Variants in ANOS1 observed in about 807,000 individuals in gnomAD.
ANOS1 encodes the protein anosmin-1.
In ANOS1, 6 loss-of-function variants were observed where a neutral mutation model predicts 59.0. That is an observed-to-expected ratio of 0.10 (90% CI 0.06 to 0.20). The LOEUF (loss-of-function observed/expected upper bound fraction) is 0.20, where lower values mean the gene tolerates loss of function less well. Among genes scored for constraint, ANOS1 ranks in the 10% least tolerant of loss-of-function variants. The pLI is 1.00. For synonymous variants in ANOS1, 217 were observed against 223.4 expected, an observed-to-expected ratio of 0.97 and a Z score of 0.25; for missense variants, 433 against 542.3, an observed-to-expected ratio of 0.80 and a Z score of 2.00.
At chrX:8,556,430 C>T (rs1289129148) in intron 8 of ANOS1, among the ~76,000 whole-genome samples, 1 of 111,951 alleles carries the variant, frequency 8.9e-6, no homozygotes. Flanking sequence ...ATTTAGAAAA[C>T]CCTATCATCT....
chrX:8,618,473 GCAGCTGTTTTAC>G (rs1311215233), intron 3 of ANOS1, among the ~76,000 whole-genome samples: 10 of 111,965 alleles, frequency 8.9e-5, no homozygotes, highest in African/African-American at 2.6e-4. Context: ...GTCAAAGATG[GCAGCTGTTTTAC>G]CAGCTGTTTT....
chrX:8,637,513 A>C (rs1171099230), intron 2 of ANOS1, among the ~76,000 whole-genome samples: 1 of 112,295 alleles, frequency 8.9e-6, no homozygotes, highest in Non-Finnish European at 1.9e-5. Context: ...AGTGGTGTCC[A>C]ACATAATGCA....
Position 8,668,430 on chromosome X carries a change from T to TATATATATAC in ANOS1, c.255+31267_255+31268insGTATATATAT, listed in dbSNP as rs1394731479. ...ATATATATATATATATATATATATA[T>TATATATATAC]ACACACACATACATATATATATATG... On this transcript the variant is annotated intron_variant, in intron 2 of 13. Transcript: ENST00000262648. Among the ~76,000 whole-genome samples, 441 of 80,018 alleles carry TATATATATAC rather than the reference T, an allele frequency of 5.5e-3. 2 individuals are homozygous for TATATATATAC. Among genetic ancestry groups the TATATATATAC allele is most frequent in the African/African-American group, 0.015 (306 of 20,056 alleles). 69.5% of individuals were successfully genotyped at this position (80,018 alleles called of 115,157 possible). A position where few individuals can be genotyped will look rare whatever the true frequency, so the allele number is the denominator to read the frequency against.
chrX:8,540,540 G>A (rs1029934878), intron 9 of ANOS1, among the ~76,000 whole-genome samples: 3 of 111,017 alleles, frequency 2.7e-5, no homozygotes, highest in East Asian at 5.7e-4. Context: ...ATAAAATAGC[G>A]GCAAGCAACT....
Position 8,696,094 on chromosome X carries a change from C to A in ANOS1, c.255+3604G>T, listed in dbSNP as rs186388563. Among the ~76,000 whole-genome samples the A allele has an allele frequency of 4.8e-3, 537 of 111,910 alleles. 4 individuals are homozygous for A. Among genetic ancestry groups the A allele is most frequent in the Admixed American group, 0.013 (135 of 10,540 alleles). ...TGTGCAAGGCTGGTATGGGGCCCCA[C>A]AGTATCAAAGAGCCAGGTTCCTTCT... is the stretch of plus-strand genomic sequence containing the variant. On this transcript the variant is annotated intron_variant, in intron 2 of 13. Transcript: ENST00000262648.
intron 3 of ANOS1, among the ~76,000 whole-genome samples, chrX:8,607,787 ATGG>A (rs921822927): frequency 9.4e-6 from 1 of 106,515 alleles, no homozygotes; most frequent in African/African-American, 3.5e-5. Flanking sequence ...TAGGAATTTA[ATGG>A]TGAACAGGTG....
At chrX:8,616,020 C>T (rs991564465) in intron 3 of ANOS1, among the ~76,000 whole-genome samples, 1 of 101,672 alleles carries the variant, frequency 9.8e-6, no homozygotes, top group African/African-American at 3.6e-5. Context: ...CCTCTTCCCA[C>T]AATCTCATTT....
At chrX:8,564,261 G>A (rs1307281137) in intron 8 of ANOS1, among the ~76,000 whole-genome samples, 8 of 112,023 alleles carry the variant, frequency 7.1e-5, no homozygotes, top group Non-Finnish European at 1.5e-4. Flanking sequence ...AAATTACAAT[G>A]GAAAACATCC....
rs1265781389 is a variant in ANOS1, at chrX:8,554,042, T to C, written c.1264A>G (p.Arg422Gly). 8.3e-7 allele frequency: 1 copy of C among 1,207,463 alleles called. No individual in the cohort carries two copies. Among genetic ancestry groups the C allele is most frequent in the South Asian group, 1.8e-5 (1 of 56,881 alleles). ...GGIQTQLPFQRRRPTRPLEVG... is the reference protein window; with the variant it reads ...GGIQTQLPFQGRRPTRPLEVG... ...TCCAGCGGGCGAGTGGGTCGTCGTC[T>C]TTGAAAAGGGAGTTGTGTTTGAATT... Residue 422 changes from arginine to glycine, a missense_variant, in exon 9 of 14, where the codon AGA becomes GGA. Physicochemically the swap from Arg to Gly is moderately radical, Grantham distance 125 (BLOSUM62 -2). Coordinates refer to ENST00000262648, the MANE Select transcript of ANOS1 (RefSeq NM_000216.4).
intron 1 of ANOS1, among the ~76,000 whole-genome samples, chrX:8,729,391 C>CTTTTTT (rs1162458402): frequency 1.4e-5 from 1 of 72,626 alleles, no homozygotes; most frequent in Non-Finnish European, 2.5e-5. Context: ...ACCTTCCTTC[C>CTTTTTT]TTTTTTTTTT....
At chrX:8,601,044 T>C (rs1158769934) in intron 3 of ANOS1, among the ~76,000 whole-genome samples, 1 of 109,208 alleles carries the variant, frequency 9.2e-6, no homozygotes, top group Non-Finnish European at 1.9e-5. Flanking sequence ...ATACAAAAAA[T>C]TAGCCGGGCA....
chrX:8,566,208 T>C, intron 8 of ANOS1: 12 of 750,111 alleles, frequency 1.6e-5, no homozygotes, highest in Non-Finnish European at 1.7e-5. Context: ...TTCCTGTAGT[T>C]CTGTCTGTAT....
chrX:8,604,255 G>C (rs761405920), intron 3 of ANOS1, among the ~76,000 whole-genome samples: 1 of 111,149 alleles, frequency 9.0e-6, no homozygotes, highest in African/African-American at 3.3e-5. Flanking sequence ...GAATTTCCCA[G>C]GGAGCTTCTA....
chrX:8,586,979 T>A (rs1216780583), intron 5 of ANOS1, among the ~76,000 whole-genome samples: 1 of 109,300 alleles, frequency 9.1e-6, no homozygotes, highest in Non-Finnish European at 1.9e-5. Flanking sequence ...AGGAATCTAG[T>A]CCTTGGAAAA....
intron 4 of ANOS1, among the ~76,000 whole-genome samples, chrX:8,588,566 CA>C (rs1233992653): frequency 1.8e-5 from 2 of 112,082 alleles, no homozygotes; most frequent in Admixed American, 1.9e-4. Context: ...ATTCCGCAAT[CA>C]ATTGCTCAAG....
intron 7 of ANOS1, among the ~76,000 whole-genome samples, chrX:8,570,143 A>ATC (rs1159607946): frequency 5.5e-5 from 6 of 109,194 alleles, no homozygotes; most frequent in African/African-American, 1.7e-4. Context: ...TCTCTCTCAA[A>ATC]AAAAAAAAAA....
intron 2 of ANOS1, among the ~76,000 whole-genome samples, chrX:8,626,084 C>A (rs979118621): frequency 6.6e-5 from 6 of 91,407 alleles, no homozygotes; most frequent in African/African-American, 2.5e-4. Context: ...TGCACTCCAG[C>A]CTGGATGACA....
intron 2 of ANOS1, among the ~76,000 whole-genome samples, chrX:8,663,857 T>C (rs1345904421): frequency 8.9e-6 from 1 of 112,144 alleles, no homozygotes; most frequent in Non-Finnish European, 1.9e-5. Context: ...GTAGTACATA[T>C]GCACCATAGA....
chrX:8,593,517 T>C (rs73199022), intron 4 of ANOS1, among the ~76,000 whole-genome samples: 8,151 of 112,163 alleles, frequency 0.073, 267 homozygotes, highest in Admixed American at 0.13. Flanking sequence ...TATAGCACAC[T>C]CTGTATCTAG....
Sources: allele counts gnomAD v4.1 joint callset (sites outside exome capture counted in the v4.1 genomes callset), GRCh38; gene constraint gnomAD v4.1.1; transcripts MANE v1.5; gene names NCBI Gene and HGNC (gene_info 2026-07-23, HGNC 2026-07-21).